Variants in EYA1 observed in about 807,000 individuals in gnomAD.
EYA1 encodes the protein protein phosphatase EYA1.
EYA1 carries 16 observed loss-of-function variants against 82.0 expected under a neutral mutation model. That is an observed-to-expected ratio of 0.20 (90% confidence interval 0.13 to 0.30). The LOEUF (loss-of-function observed/expected upper bound fraction) is 0.30, where lower values mean the gene tolerates loss of function less well. Among genes scored for constraint, EYA1 ranks in the 10% least tolerant of loss-of-function variants. The pLI is 1.00. For synonymous variants in EYA1, 261 were observed against 264.4 expected (o/e 0.99, Z 0.12); for missense variants, 633 against 730.7 (o/e 0.87, Z 1.54).
At chr8:71,263,363 C>T (rs1231011948) in intron 11 of EYA1, among the ~76,000 whole-genome samples, 2 of 152,210 alleles carry the variant, frequency 1.3e-5, no homozygotes, top group African/African-American at 4.8e-5. Context: ...GAAAATGGCA[C>T]TACTATTATT....
chr8:71,422,549 G>GTATT (rs1179735902), intron 2 of EYA1, among the ~76,000 whole-genome samples: 1 of 152,126 alleles, frequency 6.6e-6, no homozygotes, highest in Non-Finnish European at 1.5e-5. Context: ...GATACCTACT[G>GTATT]TATTAGTCCA....
chr8:71,286,046 G>A (rs115881914), intron 9 of EYA1, among the ~76,000 whole-genome samples: 139 of 152,268 alleles, frequency 9.1e-4, no homozygotes, highest in African/African-American at 3.3e-3. Flanking sequence ...TGGACCACAC[G>A]GGTCTTCTTG....
At chr8:71,374,021 T>C (rs924735889) in intron 2 of EYA1, among the ~76,000 whole-genome samples, 1 of 152,130 alleles carries the variant, frequency 6.6e-6, no homozygotes, top group Non-Finnish European at 1.5e-5. Flanking sequence ...TAAGACTTGA[T>C]ACCATACAAC....
chr8:71,533,983 T>C (rs913722031), intron 2 of EYA1, among the ~76,000 whole-genome samples: 1 of 152,232 alleles, frequency 6.6e-6, no homozygotes, highest in Non-Finnish European at 1.5e-5. Context: ...ATGGCCAAAA[T>C]AAATTCTTTT....
chr8:71,392,363 G>A (rs545237565), intron 2 of EYA1, among the ~76,000 whole-genome samples: 13 of 152,264 alleles, frequency 8.5e-5, no homozygotes, highest in African/African-American at 3.1e-4. Flanking sequence ...CTACAGCGCT[G>A]TGACTAGAGA....
intron 2 of EYA1, among the ~76,000 whole-genome samples, chr8:71,380,018 C>T (rs887082963): frequency 3.3e-5 from 5 of 152,128 alleles, no homozygotes; most frequent in African/African-American, 7.2e-5. Context: ...GATCAGCACC[C>T]GGCACCTGCC....
chr8:71,207,087 C>G (rs369502128), intron 17 of EYA1, among the ~76,000 whole-genome samples: 23 of 152,242 alleles, frequency 1.5e-4, no homozygotes, highest in South Asian at 4.1e-4. Flanking sequence ...TATGATTAAT[C>G]CTACAGCATA....
At position 71,451,191 on chromosome 8, in the gene EYA1, G is replaced by A. The variant is rs374392238; in HGVS notation, c.33+84553C>T. ...CTATGTATGAAAAGGCTTTCAAAGG[G>A]CACATGATTTTGGACTTAGTAACCA... On this transcript the variant is annotated intron_variant, in intron 2 of 18. Transcript: ENST00000643681. Among the ~76,000 whole-genome samples the A allele has an allele frequency of 2.6e-5, 4 of 152,264 alleles. No individual in the cohort carries two copies. In the East Asian group the frequency reaches 7.7e-4, roughly 29 times the overall value.
At chr8:71,342,325 A>C (rs1825232843) in intron 3 of EYA1, among the ~76,000 whole-genome samples, 1 of 152,150 alleles carries the variant, frequency 6.6e-6, no homozygotes, top group African/African-American at 2.4e-5. Context: ...TTCCTTCTTC[A>C]GCTAAACTGG....
At chr8:71,267,762 A>T (rs1220297484) in intron 11 of EYA1, among the ~76,000 whole-genome samples, 6 of 152,060 alleles carry the variant, frequency 3.9e-5, no homozygotes, top group Non-Finnish European at 2.9e-5. Flanking sequence ...GTTAGCCAGG[A>T]TGGTCTCGAT....
intron 7 of EYA1, among the ~76,000 whole-genome samples, chr8:71,310,385 T>C (rs1050097460): frequency 6.6e-6 from 1 of 152,230 alleles, no homozygotes; most frequent in African/African-American, 2.4e-5. Context: ...TACACATTAG[T>C]TATTTTTCCT....
At chr8:71,526,612 G>C (rs1813835107) in intron 2 of EYA1, among the ~76,000 whole-genome samples, 2 of 152,194 alleles carry the variant, frequency 1.3e-5, no homozygotes, top group Non-Finnish European at 1.5e-5. Flanking sequence ...GTTGTGGAAG[G>C]CTTCAGTCCC....
chr8:71,199,036 G>GT lies in EYA1; in HGVS notation c.*303dup, dbSNP rs1365529745. 2 of 430,046 alleles carry GT rather than the reference G, an allele frequency of 4.7e-6. No homozygotes were observed. The highest frequency in any genetic ancestry group is 8.7e-6 in the Non-Finnish European group (2 of 230,688). 26.6% of individuals were successfully genotyped at this position (430,046 alleles called of 1,614,324 possible). The stretch of plus-strand genomic sequence containing the variant: ...CATTGAAAATGCTAACAACTGAAGC[G>GT]TTTGCAGGTCCTTTCTTCACAGGTT... On this transcript the variant is annotated 3_prime_UTR_variant, in exon 18 of 18. Coordinates refer to ENST00000340726, the MANE Select transcript of EYA1 (RefSeq NM_000503.6).
At chr8:71,471,847 G>T (rs1809234344) in intron 2 of EYA1, among the ~76,000 whole-genome samples, 1 of 152,118 alleles carries the variant, frequency 6.6e-6, no homozygotes, top group African/African-American at 2.4e-5. Context: ...CTTTAATTTT[G>T]ATTTCAAATC....
intron 9 of EYA1, among the ~76,000 whole-genome samples, chr8:71,279,747 AAACT>A (rs773883003): frequency 5.3e-5 from 8 of 152,224 alleles, no homozygotes; most frequent in Non-Finnish European, 7.3e-5. Flanking sequence ...AAAGGCACTG[AAACT>A]AACCCATTGG....
chr8:71,394,291 T>C (rs1829454091), intron 2 of EYA1, among the ~76,000 whole-genome samples: 1 of 152,234 alleles, frequency 6.6e-6, no homozygotes, highest in South Asian at 2.1e-4. Context: ...AGCTCTTTAG[T>C]TTAAATAGAT....
At chr8:71,370,938 A>G (rs1828045457) in intron 2 of EYA1, among the ~76,000 whole-genome samples, 1 of 152,090 alleles carries the variant, frequency 6.6e-6, no homozygotes, top group Non-Finnish European at 1.5e-5. Context: ...ACAAATTTTA[A>G]AAGTGGGGGA....
intron 1 of EYA1, among the ~76,000 whole-genome samples, chr8:71,359,415 G>T (rs1254804665): frequency 1.3e-5 from 2 of 152,074 alleles, no homozygotes; most frequent in African/African-American, 2.4e-5. Flanking sequence ...CTTGCTTTGA[G>T]AGATCATCAA....
chr8:71,239,765 A>T (rs567291899), intron 12 of EYA1, among the ~76,000 whole-genome samples: 103 of 152,358 alleles, frequency 6.8e-4, no homozygotes, highest in African/African-American at 2.3e-3. Context: ...GCAGAGAACC[A>T]GAGCTCTAGC....
Sources: gnomAD v4.1 joint callset for allele counts (sites outside exome capture counted in the v4.1 genomes callset) on GRCh38, gnomAD v4.1.1 for gene constraint, MANE v1.5 for transcripts, NCBI Gene and HGNC (gene_info 2026-07-23, HGNC 2026-07-21) for gene names.